Variants in ACOT11 observed in about 807,000 individuals in gnomAD.
ACOT11 encodes the protein acyl-coenzyme A thioesterase 11.
In ACOT11, 69 loss-of-function variants were observed where a neutral mutation model predicts 77.5. The observed-to-expected ratio is 0.89, with a 90% CI of 0.73 to 1.09. The LOEUF is 1.09. Ranked by LOEUF, ACOT11 falls within the 50% of genes least tolerant of loss-of-function variation. The probability of loss-of-function intolerance (pLI) is 0.00; values close to 1 mark genes in which losing one functional copy is unlikely to be tolerated. For synonymous variants in ACOT11, 279 were observed against 313.0 expected (o/e 0.89, Z 1.15); for missense variants, 766 against 813.7 (o/e 0.94, Z 0.71).
At chr1:54,624,689 G>C (rs1232535093) in intron 15 of ACOT11, among the ~76,000 whole-genome samples, 2 of 152,130 alleles carry the variant, frequency 1.3e-5, no homozygotes, top group East Asian at 3.9e-4. Context: ...AGCCAGGCTG[G>C]GAGATGGAGC....
chr1:54,559,850 G>T (rs952699859), intron 1 of ACOT11, among the ~76,000 whole-genome samples: 8 of 152,342 alleles, frequency 5.3e-5, no homozygotes, highest in Admixed American at 3.3e-4. Flanking sequence ...CCAAGCTCCA[G>T]CTGGGCAGGG....
At chr1:54,623,275 T>C (rs1295616972) in intron 15 of ACOT11, 2 of 1,611,152 alleles carry the variant, frequency 1.2e-6, no homozygotes, top group Non-Finnish European at 1.7e-6. Flanking sequence ...GGGAGGCACC[T>C]ACCTGGCCGC....
At position 54,548,441 on chromosome 1, in the gene ACOT11, C is replaced by T. The variant is rs299873; in HGVS notation, c.33+99C>T. The stretch of plus-strand genomic sequence containing the variant: ...TTAACTCAGACGCTCTGCATCTCCT[C>T]ACACTCTCCACGGGCCATTTTCTAG... On this transcript the variant is annotated intron_variant, in intron 1 of 15. Coordinates refer to ENST00000343744, the MANE Select transcript of ACOT11 (RefSeq NM_147161.4). 5.4e-4 allele frequency: 747 copies of T among 1,392,264 alleles called. 3 individuals are homozygous for T. The African/African-American group carries it at 9.6e-3, about 18-fold the overall frequency. 86.2% of individuals were successfully genotyped at this position (1,392,264 alleles called of 1,614,324 possible). A position where few individuals can be genotyped will look rare whatever the true frequency, so the allele number is the denominator to read the frequency against.
chr1:54,582,048 T>C (rs1353329797), intron 1 of ACOT11, among the ~76,000 whole-genome samples: 1 of 152,102 alleles, frequency 6.6e-6, no homozygotes, highest in Admixed American at 6.5e-5. Flanking sequence ...AGGGGAGTGG[T>C]GGGGATAGCA....
chr1:54,599,643 C>T, intron 8 of ACOT11: 1 of 309,904 alleles, frequency 3.2e-6, no homozygotes, highest in Non-Finnish European at 5.7e-6. Context: ...GGGACCCCTC[C>T]TCTGGGATCC....
chr1:54,601,282 G>A lies in ACOT11; in HGVS notation c.898G>A (p.Val300Met), dbSNP rs370651150. The A allele has an allele frequency of 1.1e-5, 18 of 1,611,564 alleles. No individual in the cohort carries two copies. Among genetic ancestry groups the A allele is most frequent in the Admixed American group, 5.0e-5 (3 of 59,978 alleles). ...NAFKHSMEVG[V>M]CVEAYRQEAE... ...CCCTCCCCTCAGCATGGAGGTGGGC[G>A]TGTGCGTGGAGGCCTATCGCCAGGA... The change falls in exon 9 of 16, where the codon GTG (valine) becomes ATG (methionine). Residue 300 changes from valine to methionine, a missense_variant. Coordinates refer to ENST00000343744, the MANE Select transcript of ACOT11 (RefSeq NM_147161.4).
intron 1 of ACOT11, among the ~76,000 whole-genome samples, chr1:54,563,173 G>A (rs566120826): frequency 1.4e-4 from 22 of 152,376 alleles, no homozygotes; most frequent in African/African-American, 5.3e-4. Flanking sequence ...GTATTCTAGA[G>A]ATGGGGTTTC....
chr1:54,567,176 T>G (rs1334542506), intron 1 of ACOT11, among the ~76,000 whole-genome samples: 1 of 152,130 alleles, frequency 6.6e-6, no homozygotes, highest in Non-Finnish European at 1.5e-5. Context: ...GTCCCCTACT[T>G]ATTTCTACAC....
At chr1:54,623,382 T>C in intron 15 of ACOT11, 1 of 1,613,374 alleles carries the variant, frequency 6.2e-7, no homozygotes, top group Non-Finnish European at 8.5e-7. Context: ...TGATAACTGC[T>C]CCCTGCAGAC....
chr1:54,605,277 T>C (rs1439807148), intron 13 of ACOT11, 68 bp downstream of exon 13: 2 of 1,553,150 alleles, frequency 1.3e-6, no homozygotes, highest in East Asian at 4.7e-5. Context: ...AGTGTCTCCT[T>C]CTGCGGGTCA....
At position 54,607,469 on chromosome 1, in the gene ACOT11, CTT is replaced by C. The variant is rs1644041788; in HGVS notation, c.1502+205_1502+206del. ...AGGGATAGGGGCACACATTTCCCCT[CTT>C]GTCGCATTCCCTAGAGCAGGGCCAC... On this transcript the variant is annotated intron_variant, in intron 14 of 15. Coordinates refer to ENST00000343744, the MANE Select transcript of ACOT11 (RefSeq NM_147161.4). The surrounding 1 kb of genome is among the most constrained non-coding windows in gnomAD (Gnocchi z 4.5). Among the ~76,000 whole-genome samples the C allele has an allele frequency of 6.6e-6, 1 of 152,112 alleles. No homozygotes were observed.
downstream of ACOT11, chr1:54,611,744 A>C (rs1387059420): frequency 2.5e-6 from 4 of 1,613,958 alleles, no homozygotes; most frequent in South Asian, 4.4e-5. Flanking sequence ...GTCAGGCTGT[A>C]CCTGGGGACA....
At chr1:54,597,758 C>T in intron 7 of ACOT11, 1 of 259,086 alleles carries the variant, frequency 3.9e-6, no homozygotes, top group Non-Finnish European at 7.4e-6. Context: ...GTTCTCTGTT[C>T]CCATCCTCCA....
chr1:54,635,456 T>C lies in ACOT11; in HGVS notation c.*727T>C, dbSNP rs1644325855. On this transcript the variant is annotated 3_prime_UTR_variant, in exon 17 of 17. Coordinates refer to the ACOT11 transcript ENST00000371316. ...ATAAGGATTTGTAAAAACTATTAAA[T>C]GCTCTTAATAAGATCAAAATTTGGG... 1.2e-5 allele frequency: 3 copies of C among 252,412 alleles called. No homozygotes were observed. In the South Asian group the frequency reaches 1.3e-4, roughly 11 times the overall value. The allele number at this position is 252,412 out of a possible 1,614,324, so 15.6% of individuals were successfully genotyped here. A position where few individuals can be genotyped will look rare whatever the true frequency, so the allele number is the denominator to read the frequency against.
At chr1:54,625,436 C>G (rs550205666) in intron 15 of ACOT11, among the ~76,000 whole-genome samples, 1 of 152,090 alleles carries the variant, frequency 6.6e-6, no homozygotes, top group African/African-American at 2.4e-5. Context: ...CCACCCACTC[C>G]GGACTCCAGG....
At chr1:54,592,916 T>C (rs891559973) in intron 4 of ACOT11, among the ~76,000 whole-genome samples, 29 of 152,004 alleles carry the variant, frequency 1.9e-4, no homozygotes, top group Admixed American at 1.5e-3. Context: ...AGCAGCCAGG[T>C]TTTTGTGGGA....
At chr1:54,635,883 C>A (rs11801301) in exon 17 of ACOT11, 43,693 of 152,386 alleles carry the variant, frequency 0.29, 6,423 homozygotes, top group East Asian at 0.35. Flanking sequence ...ATGGCCCTAA[C>A]GCCCAATCTG....
At chr1:54,551,494 TCTTTCC>T (rs918692834) in intron 1 of ACOT11, among the ~76,000 whole-genome samples, 1 of 152,154 alleles carries the variant, frequency 6.6e-6, no homozygotes, top group African/African-American at 2.4e-5. Flanking sequence ...GGAGAGCTCT[TCTTTCC>T]CTTTCCAAGA....
intron 1 of ACOT11, among the ~76,000 whole-genome samples, chr1:54,566,103 C>T (rs912608076): frequency 6.6e-6 from 1 of 152,172 alleles, no homozygotes; most frequent in African/African-American, 2.4e-5. Flanking sequence ...CCTCCCACCT[C>T]ACTGACTGCT....
Sources: gnomAD v4.1 joint callset for allele counts (sites outside exome capture counted in the v4.1 genomes callset) on GRCh38, gnomAD v4.1.1 for gene constraint, Gnocchi (gnomAD v3.1) non-coding constraint, MANE v1.5 for transcripts, NCBI Gene and HGNC (gene_info 2026-07-23, HGNC 2026-07-21) for gene names.